The following SGCD variants were observed in gnomAD, a reference collection of about 807,000 sequenced individuals.
The protein encoded by SGCD is delta-sarcoglycan.
Under a neutral mutation model 36.6 loss-of-function variants are expected in SGCD, and 18 were observed. That is an observed-to-expected ratio of 0.49 (90% CI 0.34 to 0.73). The LOEUF (loss-of-function observed/expected upper bound fraction) is 0.73. Ranked by LOEUF, SGCD falls within the 30% of genes least tolerant of loss-of-function variation. The pLI is 0.01. For missense variants in SGCD, 387 were observed against 346.7 expected, an observed-to-expected ratio of 1.12 and a Z score of -0.92; for synonymous variants, 133 against 130.6, an observed-to-expected ratio of 1.02 and a Z score of -0.12.
chr5:156,220,484 G>T (rs1218356513), intron 3 of SGCD, among the ~76,000 whole-genome samples: 2 of 152,136 alleles, frequency 1.3e-5, no homozygotes, highest in African/African-American at 4.8e-5. Context: ...ATACCATATT[G>T]TGTCTTAAAA....
chr5:155,805,457 T>C, the SGCD span, among the ~76,000 whole-genome samples: 7 of 152,224 alleles, frequency 4.6e-5, no homozygotes, highest in African/African-American at 1.4e-4. Flanking sequence ...CTGGGCACTA[T>C]TTCAGGCTAG....
chr5:156,321,705 A>G (rs1028176666), intron 3 of SGCD, among the ~76,000 whole-genome samples: 1 of 152,136 alleles, frequency 6.6e-6, no homozygotes, highest in African/African-American at 2.4e-5. Flanking sequence ...AATCTGGAAA[A>G]TATCTATTTT....
intron 1 of SGCD, among the ~76,000 whole-genome samples, chr5:155,877,020 G>A (rs1338318035): frequency 1.3e-5 from 2 of 151,970 alleles, no homozygotes; most frequent in Admixed American, 6.6e-5. Context: ...GGAACTTATG[G>A]TTGTACTGAC....
Position 156,069,240 on chromosome 5 carries a change from G to T in SGCD, c.-281-48638G>T, listed in dbSNP as rs973820129. Among the ~76,000 whole-genome samples the T allele has an allele frequency of 5.8e-4, 88 of 152,104 alleles. 1 individual carries two copies. Among genetic ancestry groups the T allele is most frequent in the African/African-American group, 2.1e-3 (86 of 41,424 alleles). On this transcript the variant is annotated intron_variant, in intron 1 of 9. Transcript: ENST00000517913. ...TGGTAATGCCTAGGTTTTCTTCTAG[G>T]GTTTTTATGGTTTTAGGTCTAAAGT...
chr5:155,895,607 G>T (rs1257055182), intron 1 of SGCD, among the ~76,000 whole-genome samples: 2 of 151,456 alleles, frequency 1.3e-5, no homozygotes, highest in Non-Finnish European at 2.9e-5. Flanking sequence ...AATACATTTG[G>T]ACCTAATTTC....
chr5:156,694,930 A>G (rs549448071), intron 7 of SGCD, among the ~76,000 whole-genome samples: 88 of 152,298 alleles, frequency 5.8e-4, no homozygotes, highest in African/African-American at 2.1e-3. Flanking sequence ...TCCTAGAGAG[A>G]AACTGTGAAT....
At chr5:156,646,630 C>T (rs182237877) in intron 6 of SGCD, among the ~76,000 whole-genome samples, 4 of 152,108 alleles carry the variant, frequency 2.6e-5, no homozygotes, top group African/African-American at 9.7e-5. Context: ...CATCAAAGTG[C>T]ACCAAATGTA....
intron 1 of SGCD, among the ~76,000 whole-genome samples, chr5:156,053,520 A>G (rs1759974986): frequency 6.8e-6 from 1 of 146,280 alleles, no homozygotes; most frequent in South Asian, 2.2e-4. Context: ...AAATTAGAAG[A>G]TAAAATTAAG....
the SGCD span, among the ~76,000 whole-genome samples, chr5:155,769,989 A>T: frequency 2.0e-5 from 3 of 149,748 alleles, no homozygotes; most frequent in Admixed American, 6.7e-5. Flanking sequence ...TTGCTTCTCC[A>T]TTTTTTTTTC....
intron 4 of SGCD, among the ~76,000 whole-genome samples, chr5:156,546,222 T>A (rs1009111474): frequency 6.6e-6 from 1 of 152,192 alleles, no homozygotes; most frequent in Non-Finnish European, 1.5e-5. Context: ...TGAGACACTT[T>A]TGGAAAATTC....
chr5:156,512,191 C>CAAAA (rs759345867), intron 4 of SGCD, among the ~76,000 whole-genome samples: 18 of 66,810 alleles, frequency 2.7e-4, no homozygotes, highest in Admixed American at 1.2e-3. Flanking sequence ...GACTCTGTCT[C>CAAAA]AAAAAAAAAA....
chr5:156,485,857 G>T (rs1226669047), intron 3 of SGCD, among the ~76,000 whole-genome samples: 2 of 152,100 alleles, frequency 1.3e-5, no homozygotes, highest in African/African-American at 4.8e-5. Flanking sequence ...GCTGAGATCA[G>T]TTCAGAGCCA....
chr5:155,950,479 T>C (rs1389569030), intron 1 of SGCD, among the ~76,000 whole-genome samples: 1 of 152,200 alleles, frequency 6.6e-6, no homozygotes, highest in Non-Finnish European at 1.5e-5. Flanking sequence ...ACTTTCACTA[T>C]GGATAAAGAG....
chr5:156,204,473 T>TAC (rs58745098), intron 3 of SGCD, among the ~76,000 whole-genome samples: 46,477 of 147,250 alleles, frequency 0.32, 7,377 homozygotes, highest in East Asian at 0.64. Context: ...AACACACTCA[T>TAC]ACACACACAC....
At chr5:156,546,736 C>T (rs1758590101) in intron 4 of SGCD, among the ~76,000 whole-genome samples, 1 of 152,066 alleles carries the variant, frequency 6.6e-6, no homozygotes, top group African/African-American at 2.4e-5. Context: ...ATGGATTAGA[C>T]CAGAATGGAG....
At chr5:156,657,589 C>A (rs1050368558) in intron 7 of SGCD, among the ~76,000 whole-genome samples, 1 of 151,828 alleles carries the variant, frequency 6.6e-6, no homozygotes, top group Admixed American at 6.6e-5. Flanking sequence ...ATGGTGAAAC[C>A]CCATCTCTAC....
intron 1 of SGCD, among the ~76,000 whole-genome samples, chr5:156,085,048 A>G (rs1437194830): frequency 6.6e-6 from 1 of 152,172 alleles, no homozygotes; most frequent in Non-Finnish European, 1.5e-5. Context: ...TCAAAAATCA[A>G]TTGGTCATGA....
chr5:156,154,815 A>G (rs1482261506), intron 3 of SGCD, among the ~76,000 whole-genome samples: 1 of 151,458 alleles, frequency 6.6e-6, no homozygotes, highest in Admixed American at 6.6e-5. Flanking sequence ...TCACCCAGTC[A>G]TTTTTTTCTA....
intron 3 of SGCD, among the ~76,000 whole-genome samples, chr5:156,480,457 C>T (rs775169632): frequency 6.6e-6 from 1 of 152,104 alleles, no homozygotes; most frequent in East Asian, 1.9e-4. Context: ...GAATAAAAAC[C>T]CTGGGCTTCA....
Sources: allele counts gnomAD v4.1 joint callset (sites outside exome capture counted in the v4.1 genomes callset), GRCh38; gene constraint gnomAD v4.1.1; transcripts MANE v1.5; gene names NCBI Gene and HGNC (gene_info 2026-07-23, HGNC 2026-07-21).